The following S100Z variants were observed in gnomAD, a reference collection of about 807,000 sequenced individuals.
S100Z encodes the protein S100 calcium binding protein Z, also known as protein S100-Z.
A neutral mutation model predicts 8.5 loss-of-function variants in S100Z; 11 were observed. The observed-to-expected ratio is 1.30, with a 90% CI of 0.82 to 2.15. The LOEUF is 2.15. Among genes scored for constraint, S100Z ranks in the 30% most tolerant of loss-of-function variants. S100Z has a pLI of 0.00. For synonymous variants in S100Z, 34 were observed against 43.8 expected (o/e 0.78, Z 0.89); for missense variants, 126 against 117.9 (o/e 1.07, Z -0.32).
chr5:76,883,619 T>C (rs779086421), intron 4 of S100Z, among the ~76,000 whole-genome samples: 2 of 152,186 alleles, frequency 1.3e-5, no homozygotes, highest in Non-Finnish European at 2.9e-5. Context: ...TCCAGGGGGC[T>C]TCCGAGGTGA....
Position 76,912,353 on chromosome 5 carries a change from C to T in S100Z, c.*3-8364C>T, listed in dbSNP as rs559535994. The stretch of plus-strand genomic sequence containing the variant: ...AATTATAGTCCAGACTTATGCCACC[C>T]GAGATGATCTCTTAGAAGTCCCCTT... On this transcript the variant is annotated intron_variant, in intron 4 of 4. Transcript: ENST00000317593. Among the ~76,000 whole-genome samples, 4 of 152,290 alleles carry T rather than the reference C, an allele frequency of 2.6e-5. No homozygotes were observed. The East Asian group carries it at 5.8e-4, about 22-fold the overall frequency.
intron 3 of S100Z, among the ~76,000 whole-genome samples, chr5:76,876,164 A>G (rs1743185675): frequency 6.6e-6 from 1 of 152,214 alleles, no homozygotes; most frequent in African/African-American, 2.4e-5. Context: ...GATTTTTAGC[A>G]CAATATGCTA....
chr5:76,872,256 T>C (rs997745376), intron 2 of S100Z, among the ~76,000 whole-genome samples: 5 of 151,636 alleles, frequency 3.3e-5, no homozygotes, highest in Admixed American at 2.6e-4. Context: ...CAAAAATAAA[T>C]AAATAATGAA....
At chr5:76,885,108 G>A (rs113532782) in intron 4 of S100Z, among the ~76,000 whole-genome samples, 2,183 of 152,300 alleles carry the variant, frequency 0.014, 60 homozygotes, top group African/African-American at 0.049. Context: ...TTGTATTGGG[G>A]TCAAGCAGTA....
chr5:76,918,777 A>C lies in S100Z; in HGVS notation c.*3-1940A>C, dbSNP rs575076826. Among the ~76,000 whole-genome samples, 40 of 152,340 alleles carry C rather than the reference A, an allele frequency of 2.6e-4. 1 individual carries two copies. The South Asian group carries it at 8.3e-3, about 32-fold the overall frequency. On this transcript the variant is annotated intron_variant, in intron 4 of 4. Transcript: ENST00000317593. ...TGGGTTTTGACAAATGCATAGTGAC[A>C]CGTATCCACTGTTACAGTATGATAC...
the S100Z span, among the ~76,000 whole-genome samples, chr5:76,948,221 G>A: frequency 6.6e-6 from 1 of 152,086 alleles, no homozygotes; most frequent in Non-Finnish European, 1.5e-5. Flanking sequence ...AGCTACTGGG[G>A]AGGCTGAGGC....
At chr5:76,860,395 A>G (rs998941267) in intron 1 of S100Z, among the ~76,000 whole-genome samples, 3 of 152,128 alleles carry the variant, frequency 2.0e-5, no homozygotes, top group Admixed American at 2.0e-4. Context: ...GTTGCCATTT[A>G]TGAAGGGAGC....
intron 4 of S100Z, among the ~76,000 whole-genome samples, chr5:76,892,485 A>T (rs946575045): frequency 6.6e-6 from 1 of 152,184 alleles, no homozygotes; most frequent in African/African-American, 2.4e-5. Flanking sequence ...ACCGAAGAAA[A>T]TGAGGTGAGT....
chr5:76,909,534 G>A (rs1203762134), intron 4 of S100Z, among the ~76,000 whole-genome samples: 2 of 152,102 alleles, frequency 1.3e-5, no homozygotes, highest in African/African-American at 2.4e-5. Flanking sequence ...ACATCCTACA[G>A]GAGGACCTCT....
At chr5:76,910,058 C>G (rs963569321) in intron 4 of S100Z, among the ~76,000 whole-genome samples, 5 of 152,172 alleles carry the variant, frequency 3.3e-5, no homozygotes, top group Non-Finnish European at 5.9e-5. Flanking sequence ...ATCATGGGGA[C>G]TGGAGTCATA....
rs542743544 is a variant in S100Z, at chr5:76,918,406, C to T, written c.*3-2311C>T. ...ATTATTTGTAGAGACAGGGTTTTGC[C>T]ATGTTGTTCATGCTGGTCTCAAACT... On this transcript the variant is annotated intron_variant, in intron 4 of 4. Coordinates refer to ENST00000317593, the MANE Select transcript of S100Z (RefSeq NM_130772.4). 2.6e-3 allele frequency among the ~76,000 whole-genome samples: 397 copies of T among 152,260 alleles called. 2 individuals carry two copies. Among genetic ancestry groups the T allele is most frequent in the African/African-American group, 9.2e-3 (383 of 41,538 alleles).
At chr5:76,863,586 T>C (rs918477956) in intron 1 of S100Z, among the ~76,000 whole-genome samples, 1 of 152,204 alleles carries the variant, frequency 6.6e-6, no homozygotes, top group Non-Finnish European at 1.5e-5. Context: ...TTGCCCAGGC[T>C]GGAGTGCAGT....
At chr5:76,853,687 C>G (rs1229677543) in intron 1 of S100Z, among the ~76,000 whole-genome samples, 1 of 151,718 alleles carries the variant, frequency 6.6e-6, no homozygotes, top group African/African-American at 2.4e-5. Context: ...GTCCCAGCTA[C>G]TGGGGAGGCT....
chr5:76,917,547 G>C (rs1439785917), intron 4 of S100Z, among the ~76,000 whole-genome samples: 2 of 152,122 alleles, frequency 1.3e-5, no homozygotes, highest in Non-Finnish European at 2.9e-5. Context: ...TCAGAAATTG[G>C]CCTGGCACAG....
intron 4 of S100Z, among the ~76,000 whole-genome samples, chr5:76,885,667 C>T (rs1344865637): frequency 1.8e-4 from 23 of 126,456 alleles, no homozygotes; most frequent in African/African-American, 6.5e-4. Context: ...GAGGTGCTTG[C>T]CCCCCAGGAA....
chr5:76,913,744 T>C (rs1460551765), intron 4 of S100Z, among the ~76,000 whole-genome samples: 1 of 152,242 alleles, frequency 6.6e-6, no homozygotes, highest in Non-Finnish European at 1.5e-5. Flanking sequence ...CGCAGAGGCG[T>C]AGACCTCCTC....
Position 76,876,975 on chromosome 5 carries a change from C to G in S100Z, c.142-699C>G, listed in dbSNP as rs79820697. On this transcript the variant is annotated intron_variant, in intron 3 of 4. Transcript: ENST00000317593. ...CTCTTTGCTTTCCACCCATAAAATG[C>G]AGGCATCTTTATAAGACCTACCTTT... is the stretch of plus-strand genomic sequence containing the variant. Among the ~76,000 whole-genome samples, 243 of 152,276 alleles carry G rather than the reference C, an allele frequency of 1.6e-3. 4 individuals are homozygous for G. The East Asian group carries it at 0.039, about 25-fold the overall frequency.
At chr5:76,865,240 CTTTTTTTTTTTT>C (rs140953492) in intron 1 of S100Z, among the ~76,000 whole-genome samples, 1 of 100,636 alleles carries the variant, frequency 9.9e-6, no homozygotes, top group African/African-American at 3.8e-5. Flanking sequence ...TGTCCTAGCT[CTTTTTTTTTTTT>C]TTTTTTTTTG....
At chr5:76,950,104 C>T in the S100Z span, among the ~76,000 whole-genome samples, 13 of 152,098 alleles carry the variant, frequency 8.5e-5, no homozygotes, top group South Asian at 1.2e-3. Context: ...TCTTAAAGAA[C>T]GCAATGATAT....
Sources: allele counts gnomAD v4.1 joint callset (sites outside exome capture counted in the v4.1 genomes callset), GRCh38; gene constraint gnomAD v4.1.1; transcripts MANE v1.5; gene names NCBI Gene and HGNC (gene_info 2026-07-23, HGNC 2026-07-21).